The following NPSR1 variants were observed in gnomAD, a reference collection of about 807,000 sequenced individuals.
NPSR1 encodes neuropeptide S receptor 1.
In NPSR1, 48 loss-of-function variants were observed where a neutral mutation model predicts 46.9. The observed-to-expected ratio is 1.02, with a 90% CI of 0.81 to 1.30. NPSR1 has a LOEUF of 1.30. Ranked by LOEUF, NPSR1 falls within the 50% of genes most tolerant of loss-of-function variation. The pLI is 0.00. For missense variants in NPSR1, 450 were observed against 449.5 expected (o/e 1.00, Z -0.01); for synonymous variants, 176 against 168.1 (o/e 1.05, Z -0.36).
chr7:34,839,250 T>G (rs993606009), intron 6 of NPSR1, among the ~76,000 whole-genome samples: 1 of 152,202 alleles, frequency 6.6e-6, no homozygotes, highest in African/African-American at 2.4e-5. Context: ...CATAAAGACG[T>G]TGAATCTCCC....
chr7:34,716,851 C>A (rs1375844041), intron 2 of NPSR1, among the ~76,000 whole-genome samples: 1 of 152,146 alleles, frequency 6.6e-6, no homozygotes. Context: ...CTCTGGGTAT[C>A]CCAAGTCTCT....
At chr7:34,832,751 G>A (rs1363311984) in intron 5 of NPSR1, among the ~76,000 whole-genome samples, 1 of 152,180 alleles carries the variant, frequency 6.6e-6, no homozygotes, top group African/African-American at 2.4e-5. Flanking sequence ...GTACATGGTT[G>A]ATAACCATAA....
chr7:34,664,451 C>G (rs10273903), intron 1 of NPSR1, among the ~76,000 whole-genome samples: 112 of 152,238 alleles, frequency 7.4e-4, no homozygotes, highest in African/African-American at 2.6e-3. Context: ...CCACTCTTTT[C>G]TCAAGACAAC....
intron 4 of NPSR1, among the ~76,000 whole-genome samples, chr7:34,816,169 C>T (rs547171889): frequency 1.3e-3 from 198 of 146,780 alleles, no homozygotes; most frequent in South Asian, 2.7e-3. Context: ...ATTCAGGAGA[C>T]TCATCTCATG....
chr7:34,750,499 T>C, intron 2 of NPSR1: 2 of 716,148 alleles, frequency 2.8e-6, no homozygotes, highest in South Asian at 1.4e-5. Flanking sequence ...AAACAGTGGA[T>C]GGTTTCTTGG....
Position 34,811,712 on chromosome 7 carries a change from T to C in NPSR1, c.385-58T>C, listed in dbSNP as rs113887523. On this transcript the variant is annotated intron_variant, in intron 3 of 8. Coordinates refer to ENST00000360581, the MANE Select transcript of NPSR1 (RefSeq NM_207172.2). ...ATAACACAAGGTGCTATTCTTTCCA[T>C]TATGTGCCTTCCCTCACCTCTCTGA... 1.4e-4 allele frequency: 169 copies of C among 1,199,716 alleles called. No individual in the cohort carries two copies. The African/African-American group carries it at 2.1e-3, about 15-fold the overall frequency. 74.3% of individuals were successfully genotyped at this position (1,199,716 alleles called of 1,614,324 possible).
chr7:34,677,773 C>T (rs1792393749), intron 1 of NPSR1, among the ~76,000 whole-genome samples: 1 of 152,180 alleles, frequency 6.6e-6, no homozygotes, highest in African/African-American at 2.4e-5. Flanking sequence ...AGGCTGGGGC[C>T]ATCTCCAGTG....
intron 4 of NPSR1, among the ~76,000 whole-genome samples, chr7:34,826,639 A>G (rs1279403795): frequency 6.6e-6 from 1 of 152,222 alleles, no homozygotes; most frequent in African/African-American, 2.4e-5. Flanking sequence ...GTACTTGCTT[A>G]TGTATTAATT....
At chr7:34,786,697 T>C (rs998200524) in intron 3 of NPSR1, among the ~76,000 whole-genome samples, 18 of 152,272 alleles carry the variant, frequency 1.2e-4, no homozygotes, top group African/African-American at 4.1e-4. Context: ...GGATGTTGTG[T>C]TAGCAGAAAT....
intron 2 of NPSR1, among the ~76,000 whole-genome samples, chr7:34,712,184 T>TA (rs1338644898): frequency 6.6e-6 from 1 of 152,246 alleles, no homozygotes; most frequent in African/African-American, 2.4e-5. Context: ...TTTTAGTTTT[T>TA]ATACAATTGC....
chr7:34,755,904 A>G (rs1785812414), intron 2 of NPSR1, among the ~76,000 whole-genome samples: 1 of 152,232 alleles, frequency 6.6e-6, no homozygotes, highest in Non-Finnish European at 1.5e-5. Context: ...TCAAAGCCAT[A>G]GGTATTCTCA....
chr7:34,739,789 C>T (rs1161412491), intron 2 of NPSR1, among the ~76,000 whole-genome samples: 1 of 152,172 alleles, frequency 6.6e-6, no homozygotes, highest in Non-Finnish European at 1.5e-5. Flanking sequence ...TGGATACTAG[C>T]ACCTGCTCTG....
intron 1 of NPSR1, among the ~76,000 whole-genome samples, chr7:34,668,140 A>C (rs1327773748): frequency 6.6e-6 from 1 of 152,166 alleles, no homozygotes; most frequent in Non-Finnish European, 1.5e-5. Flanking sequence ...CAGACCCAAG[A>C]TATCCCCACA....
At chr7:34,710,784 T>C in intron 2 of NPSR1, 1 of 486,506 alleles carries the variant, frequency 2.1e-6, no homozygotes, top group Non-Finnish European at 3.9e-6. Flanking sequence ...AGAAGAAATG[T>C]TTCCTGCTGT....
rs1391208777 is a variant in NPSR1 at position 34,856,183 on chromosome 7, G to C, written c.1025+7520G>C. ...AACAAGAAAAAAAAATAAGATAAAA[G>C]GTATATGGATTCATAATAAATAATA... On this transcript the variant is annotated intron_variant, in intron 8 of 8. Transcript: ENST00000359791. Among the ~76,000 whole-genome samples the C allele has an allele frequency of 2.6e-5, 4 of 151,142 alleles. 1 individual carries two copies. Among genetic ancestry groups the C allele is most frequent in the African/African-American group, 9.8e-5 (4 of 40,972 alleles).
intron 6 of NPSR1, among the ~76,000 whole-genome samples, chr7:34,835,335 T>C (rs112032715): frequency 3.2e-4 from 48 of 152,318 alleles, no homozygotes; most frequent in African/African-American, 1.1e-3. Flanking sequence ...CTCACACTTA[T>C]ATGCACTCAC....
intron 2 of NPSR1, among the ~76,000 whole-genome samples, chr7:34,704,899 T>C (rs1485083792): frequency 6.6e-6 from 1 of 152,170 alleles, no homozygotes; most frequent in Non-Finnish European, 1.5e-5. Context: ...TTGGGCTAAT[T>C]GCTATGGTGG....
At chr7:34,722,094 G>A (rs544330395) in intron 2 of NPSR1, among the ~76,000 whole-genome samples, 64 of 151,910 alleles carry the variant, frequency 4.2e-4, no homozygotes, top group Non-Finnish European at 7.1e-4. Context: ...AAGATGGAAC[G>A]GTTTCATTAG....
At position 34,790,925 on chromosome 7, in the gene NPSR1, T is replaced by TTATATTATATATCA. The variant is rs1438083023; in HGVS notation, c.384+12365_384+12366insTATATATCATATAT. 2.3e-5 allele frequency among the ~76,000 whole-genome samples: 3 copies of TTATATTATATATCA among 128,692 alleles called. No individual in the cohort carries two copies. In the Admixed American group the frequency reaches 2.5e-4, roughly 11 times the overall value. The allele number at this position is 128,692 out of a possible 152,430, so 84.4% of individuals were successfully genotyped here. ...TATGTTATATTATATATCATATATGTTATATGTTATATTATATATCATATA... is the reference window on the plus strand; with the variant it reads ...TATGTTATATTATATATCATATATGTTATATTATATATCATATATGTTATATTATATATCATATA... On this transcript the variant is annotated intron_variant, in intron 3 of 8. Coordinates refer to ENST00000360581, the MANE Select transcript of NPSR1 (RefSeq NM_207172.2).
Sources: allele counts gnomAD v4.1 joint callset (sites outside exome capture counted in the v4.1 genomes callset), GRCh38; gene constraint gnomAD v4.1.1; transcripts MANE v1.5; gene names NCBI Gene and HGNC (gene_info 2026-07-23, HGNC 2026-07-21).